PCNX1: variants seen among roughly 807,000 people sequenced by gnomAD.
The protein encoded by PCNX1 is pecanex-like protein 1.
In PCNX1, 78 loss-of-function variants were observed where a neutral mutation model predicts 242.2. The observed-to-expected ratio is 0.32, with a 90% CI of 0.27 to 0.39. PCNX1 has a LOEUF of 0.39. Among genes scored for constraint, PCNX1 ranks in the 10% least tolerant of loss-of-function variants. The pLI is 1.00. For missense variants in PCNX1, 2,581 were observed against 2,856.5 expected (o/e 0.90, Z 2.20); for synonymous variants, 1,024 against 1,032.9 (o/e 0.99, Z 0.17).
chr14:70,993,786 A>G (rs1427978115), intron 7 of PCNX1, among the ~76,000 whole-genome samples: 1 of 152,186 alleles, frequency 6.6e-6, no homozygotes, highest in Non-Finnish European at 1.5e-5. Flanking sequence ...CTGAACTACT[A>G]CTTAAACATT....
At chr14:71,073,187 G>A (rs1201450023) in intron 26 of PCNX1, among the ~76,000 whole-genome samples, 2 of 152,192 alleles carry the variant, frequency 1.3e-5, no homozygotes, top group African/African-American at 4.8e-5. Context: ...CAGCTCCTCT[G>A]GAGGCTAAGG....
rs2058425876 is a variant in PCNX1, at chr14:70,967,804, C to G, written c.469-394C>G. Among the ~76,000 whole-genome samples the G allele has an allele frequency of 2.0e-5, 3 of 152,178 alleles. No individual in the cohort carries two copies. In the South Asian group the frequency reaches 6.2e-4, roughly 32 times the overall value. ...GTCTGCCAAACCTTCCTTTTATACC[C>G]TAAGAAGTCTAAATTTATTTCAGGT... On this transcript the variant is annotated intron_variant, in intron 3 of 35. Coordinates refer to ENST00000304743, the MANE Select transcript of PCNX1 (RefSeq NM_014982.3).
chr14:70,925,910 A>G (rs2056574137), intron 1 of PCNX1, among the ~76,000 whole-genome samples: 1 of 151,818 alleles, frequency 6.6e-6, no homozygotes, highest in South Asian at 2.1e-4. Flanking sequence ...ATCACCCTCC[A>G]CCATCATACA....
At chr14:71,055,355 A>G (rs1176708508) in intron 24 of PCNX1, 149 bp from the exon 25 acceptor site, 1 of 550,572 alleles carries the variant, frequency 1.8e-6, no homozygotes, top group Admixed American at 3.1e-5. Context: ...AAGGCATTTT[A>G]TCATTATACT....
rs1334906470 is a variant in PCNX1 at position 71,105,457 on chromosome 14, T to C, written c.6301+17T>C. On this transcript the variant is annotated intron_variant, in intron 33 of 35. Transcript: ENST00000304743. ...CAACACTAGGTAATGTGAAACAAAG[T>C]TATATGTCTAATGTTAGCTTCTTAG... The C allele has an allele frequency of 1.3e-6, 2 of 1,587,980 alleles. No homozygotes were observed. The highest frequency in any genetic ancestry group is 1.7e-6 in the Non-Finnish European group (2 of 1,156,552).
At chr14:70,972,699 G>T (rs1211812821) in intron 5 of PCNX1, among the ~76,000 whole-genome samples, 1 of 152,142 alleles carries the variant, frequency 6.6e-6, no homozygotes, top group South Asian at 2.1e-4. Context: ...CACTCATTTT[G>T]TCACATGATT....
At chr14:71,057,984 T>C (rs1018909840) in intron 26 of PCNX1, among the ~76,000 whole-genome samples, 1 of 152,196 alleles carries the variant, frequency 6.6e-6, no homozygotes, top group African/African-American at 2.4e-5. Context: ...TATGTTGAAT[T>C]TCTGTTGTTC....
In PCNX1 at chr14:71,105,250, C is replaced by T. The variant is rs765297172; in HGVS notation, c.6111C>T (p.Cys2037=). Reference sequence around the variant, plus strand: ...TTGTTCCTAGGCTTAGGAAAGGTTGCGGAGCTGGATGTAACAGTGGTGGCA... The same window carrying T: ...TTGTTCCTAGGCTTAGGAAAGGTTGTGGAGCTGGATGTAACAGTGGTGGCA... ...VSTWHRLRKG[C]GAGCNSGGNI... Residue 2037 remains cysteine (C), a synonymous_variant, in exon 33 of 36, where the codon TGC becomes TGT. Transcript: ENST00000304743. 27 of 1,613,410 alleles carry T rather than the reference C, an allele frequency of 1.7e-5. No homozygotes were observed. Among genetic ancestry groups the T allele is most frequent in the East Asian group, 4.5e-5 (2 of 44,880 alleles).
intron 5 of PCNX1, 179 bp downstream of exon 5, chr14:70,969,289 A>T: frequency 1.9e-6 from 1 of 529,384 alleles, no homozygotes; most frequent in East Asian, 3.3e-5. Flanking sequence ...CTTTTAGCTT[A>T]CTTGAACTCA....
At chr14:71,011,436 GGAT>G (rs761228854) in intron 9 of PCNX1, 53 bp from the exon 10 acceptor site, 62 of 914,342 alleles carry the variant, frequency 6.8e-5, no homozygotes, top group Non-Finnish European at 1.1e-4. Flanking sequence ...GAATGTTAAA[GGAT>G]ATATTTTTCT....
intron 30 of PCNX1, among the ~76,000 whole-genome samples, chr14:71,096,866 T>C (rs2141752004): frequency 6.6e-6 from 1 of 152,222 alleles, no homozygotes; most frequent in South Asian, 2.1e-4. Flanking sequence ...CTCAGTAAAA[T>C]GTGTTTTAGC....
At chr14:71,020,069 G>A (rs1347336238) in intron 12 of PCNX1, among the ~76,000 whole-genome samples, 1 of 152,118 alleles carries the variant, frequency 6.6e-6, no homozygotes, top group Non-Finnish European at 1.5e-5. Context: ...TTCTGAGGAT[G>A]ATGGTTTCCA....
chr14:71,078,638 T>A (rs1013502167), intron 28 of PCNX1: 1 of 152,230 alleles, frequency 6.6e-6, no homozygotes, highest in African/African-American at 2.4e-5. Flanking sequence ...CTAATTTTTT[T>A]CTTTCAGCAA....
At chr14:70,979,025 T>A (rs1303196839) in intron 6 of PCNX1, among the ~76,000 whole-genome samples, 1 of 152,166 alleles carries the variant, frequency 6.6e-6, no homozygotes, top group Non-Finnish European at 1.5e-5. Context: ...TTTAATCAAC[T>A]CTTATACAGT....
chr14:70,960,651 G>C (rs1407188575), intron 2 of PCNX1, among the ~76,000 whole-genome samples: 1 of 152,000 alleles, frequency 6.6e-6, no homozygotes, highest in Non-Finnish European at 1.5e-5. Flanking sequence ...CATAGTGTTG[G>C]AAGTTTTGGC....
intron 5 of PCNX1, 63 bp downstream of exon 5, chr14:70,969,173 T>A: frequency 3.3e-6 from 3 of 903,510 alleles, no homozygotes; most frequent in Non-Finnish European, 5.5e-6. Flanking sequence ...ATTTGTAGAA[T>A]ATGCTGCATA....
At chr14:70,951,075 T>C (rs2057758035) in intron 2 of PCNX1, among the ~76,000 whole-genome samples, 1 of 152,142 alleles carries the variant, frequency 6.6e-6, no homozygotes, top group Admixed American at 6.5e-5. Context: ...CTTTTTACTC[T>C]TAAATTGTTG....
chr14:70,922,710 C>T (rs1002395755), intron 1 of PCNX1, among the ~76,000 whole-genome samples: 13 of 150,540 alleles, frequency 8.6e-5, no homozygotes, highest in African/African-American at 3.2e-4. Context: ...TAGAGTAATC[C>T]ATTGTATAAA....
chr14:70,928,244 G>A (rs927507111), intron 1 of PCNX1, among the ~76,000 whole-genome samples: 1 of 152,112 alleles, frequency 6.6e-6, no homozygotes, highest in Non-Finnish European at 1.5e-5. Context: ...AATGTATCCT[G>A]AACTGGCATT....
Sources: allele counts gnomAD v4.1 joint callset (sites outside exome capture counted in the v4.1 genomes callset), GRCh38; gene constraint gnomAD v4.1.1; transcripts MANE v1.5; gene names NCBI Gene and HGNC (gene_info 2026-07-23, HGNC 2026-07-21).